The following DISP3 variants were observed in gnomAD, a reference collection of about 807,000 sequenced individuals.
DISP3 encodes the protein protein dispatched homolog 3.
A neutral mutation model predicts 135.3 loss-of-function variants in DISP3; 101 were observed. That is an observed-to-expected ratio of 0.75 (90% CI 0.64 to 0.88). The LOEUF (loss-of-function observed/expected upper bound fraction) is 0.88, where lower values mean the gene tolerates loss of function less well. Among genes scored for constraint, DISP3 ranks in the 40% least tolerant of loss-of-function variants. The pLI is 0.00. For missense variants in DISP3, 1,713 were observed against 1,878.6 expected, an observed-to-expected ratio of 0.91 and a Z score of 1.63; for synonymous variants, 856 against 817.0, an observed-to-expected ratio of 1.05 and a Z score of -0.81.
chr1:11,485,025 C>G (rs564598924), intron 1 of DISP3, among the ~76,000 whole-genome samples: 1 of 152,126 alleles, frequency 6.6e-6, no homozygotes, highest in Admixed American at 6.5e-5. Flanking sequence ...AAAGTAATGG[C>G]AAAACCCCCA....
rs772456700 is a variant in DISP3, at chr1:11,526,835, G to C, written c.2798G>C (p.Arg933Pro). The change falls in exon 13 of 21, where the codon CGG becomes CCG. Residue 933 changes from arginine to proline, a missense_variant and splice_region_variant. Coordinates refer to ENST00000294484, the MANE Select transcript of DISP3 (RefSeq NM_020780.2). The part of the protein sequence containing the change: ...YVATKEQQHT[R>P]KLYFAQSHKP... ...GCCACCAAGGAGCAGCAGCACACCC[G>C]GTAACAGAGCCTGGCAGACAAGCCG... is the stretch of plus-strand genomic sequence containing the variant. 1 of 1,598,284 alleles carries C rather than the reference G, an allele frequency of 6.3e-7. No individual in the cohort carries two copies. The highest frequency in any genetic ancestry group is 8.5e-7 in the Non-Finnish European group (1 of 1,176,346).
At chr1:11,525,114 A>AGG (rs1398986027) in intron 11 of DISP3, 62 bp from the exon 12 acceptor site, 10 of 1,587,462 alleles carry the variant, frequency 6.3e-6, no homozygotes, top group Non-Finnish European at 7.8e-6. Flanking sequence ...GGGCTGCTCC[A>AGG]GGGTCAGGAG....
At chr1:11,511,800 C>T (rs1388795410) in intron 3 of DISP3, among the ~76,000 whole-genome samples, 3 of 152,206 alleles carry the variant, frequency 2.0e-5, no homozygotes, top group Admixed American at 6.5e-5. Context: ...CAGAGGTTCT[C>T]CATCAGGGCT....
At chr1:11,497,194 TA>T (rs1641358585) in intron 1 of DISP3, among the ~76,000 whole-genome samples, 1 of 151,948 alleles carries the variant, frequency 6.6e-6, no homozygotes, top group Non-Finnish European at 1.5e-5. Flanking sequence ...GTTCTTTTTT[TA>T]AAAAAAATTA....
rs370080822 is a variant in DISP3, at chr1:11,525,292, G to A, written c.2593G>A (p.Gly865Arg). ...APWQAVSPGD[G>R]EVPSFQVYRA... is the part of the protein sequence containing the mutation. ...TTGGCAGGCTGTGTCGCCTGGGGAT[G>A]GAGAGGTGCCCTCCTTCCAGGTGAG... The change falls in exon 12 of 21, where the codon GGA (glycine) becomes AGA (arginine). Residue 865 changes from glycine to arginine, a missense_variant. Physicochemically the swap from Gly to Arg is moderately radical, Grantham distance 125. Transcript: ENST00000294484. 27 of 1,613,684 alleles carry A rather than the reference G, an allele frequency of 1.7e-5. No homozygotes were observed. The highest frequency in any genetic ancestry group is 2.0e-5 in the Non-Finnish European group (24 of 1,179,802).
At chr1:11,482,432 C>T (rs1640926821) in intron 1 of DISP3, among the ~76,000 whole-genome samples, 1 of 152,144 alleles carries the variant, frequency 6.6e-6, no homozygotes, top group South Asian at 2.1e-4. Flanking sequence ...CTTTTCATAG[C>T]CCTATGAGCT....
intron 1 of DISP3, among the ~76,000 whole-genome samples, chr1:11,496,458 C>T (rs896554557): frequency 6.6e-6 from 1 of 152,140 alleles, no homozygotes; most frequent in Non-Finnish European, 1.5e-5. Flanking sequence ...ACAGCCCCTA[C>T]TCTACCCCAC....
chr1:11,521,824 A>AGATGGGCTGAAGTGAGG (rs1642204308), intron 10 of DISP3, among the ~76,000 whole-genome samples: 1 of 152,140 alleles, frequency 6.6e-6, no homozygotes, highest in Non-Finnish European at 1.5e-5. Flanking sequence ...GGGATAGGGC[A>AGATGGGCTGAAGTGAGG]GATGGGCTGA....
Position 11,524,007 on chromosome 1 carries a change from C to A in DISP3, c.2428C>A (p.Arg810=). The A allele has an allele frequency of 6.2e-7, 1 of 1,613,074 alleles. No individual in the cohort carries two copies. Among genetic ancestry groups the A allele is most frequent in the South Asian group, 1.1e-5 (1 of 91,062 alleles). ...NIRTSLEKKR[R]GSGVPWASRP... is the part of the protein sequence containing the mutation. The stretch of plus-strand genomic sequence containing the variant: ...CCGGACGTCCCTGGAGAAGAAGAGG[C>A]GAGGCTCAGGGGTCCCCTGGGCTAG... The change falls in exon 11 of 21, where the codon CGA becomes AGA. Residue 810 remains arginine, a synonymous_variant. Coordinates refer to ENST00000294484, the MANE Select transcript of DISP3 (RefSeq NM_020780.2).
chr1:11,484,322 G>C (rs1200929374), intron 1 of DISP3, among the ~76,000 whole-genome samples: 1 of 152,216 alleles, frequency 6.6e-6, no homozygotes, highest in Non-Finnish European at 1.5e-5. Flanking sequence ...AGCCCCGCTG[G>C]CTGGTTCTCT....
rs138405022 is a variant in DISP3 at position 11,513,220 on chromosome 1, G to T, written c.1317-1170G>T. 2.2e-3 allele frequency among the ~76,000 whole-genome samples: 334 copies of T among 152,242 alleles called. 1 individual carries two copies. The highest frequency in any genetic ancestry group is 7.7e-3 in the African/African-American group (321 of 41,530). On this transcript the variant is annotated intron_variant, in intron 3 of 20. Coordinates refer to ENST00000294484, the MANE Select transcript of DISP3 (RefSeq NM_020780.2). ...GATTGTTTGAGCCCAGGAGTTAGAG[G>T]CCATAGTGAGCTATGATCATGCCAT...
At chr1:11,485,593 C>A (rs2100355063) in intron 1 of DISP3, among the ~76,000 whole-genome samples, 1 of 152,288 alleles carries the variant, frequency 6.6e-6, no homozygotes, top group East Asian at 1.9e-4. Context: ...CCACACCCTG[C>A]AACTGCATTG....
chr1:11,516,163 T>A lies in DISP3; in HGVS notation c.1749+2T>A. On this transcript the variant is annotated splice_donor_variant, in intron 6 of 20. Transcript: ENST00000294484. LOFTEE classifies it high-confidence loss of function. The surrounding 1 kb of genome is among the most constrained non-coding windows in gnomAD (Gnocchi z 5.1). The stretch of plus-strand genomic sequence containing the variant: ...TACGCAGCTAACGTCTTCTCCCAGG[T>A]GCGGACCTGTCCTCCATTCCTGTCC... 6.2e-7 allele frequency: 1 copy of A among 1,613,164 alleles called. No homozygotes were observed. Among genetic ancestry groups the A allele is most frequent in the Non-Finnish European group, 8.5e-7 (1 of 1,179,472 alleles).
At position 11,534,298 on chromosome 1, in the gene DISP3, C is replaced by T. The variant is rs184876927; in HGVS notation, c.3376-83C>T. ...ACACACGCACCACTCCATTGGTGGC[C>T]GCAGAACAGACCAGCCATGCCTGGG... On this transcript the variant is annotated intron_variant, in intron 17 of 20. Coordinates refer to ENST00000294484, the MANE Select transcript of DISP3 (RefSeq NM_020780.2). 1.7e-4 allele frequency: 268 copies of T among 1,532,674 alleles called. 1 individual carries two copies. In the African/African-American group the frequency reaches 3.2e-3, roughly 18 times the overall value. 94.9% of individuals were successfully genotyped at this position (1,532,674 alleles called of 1,614,324 possible).
At chr1:11,510,601 A>T (rs58484446) in intron 3 of DISP3, among the ~76,000 whole-genome samples, 23,261 of 57,534 alleles carry the variant, frequency 0.4, 2,892 homozygotes, top group African/African-American at 0.51. Flanking sequence ...TATTTATGTC[A>T]TTACCATTTT....
chr1:11,503,278 TAG>T (rs1184233637), intron 3 of DISP3, among the ~76,000 whole-genome samples: 1 of 152,088 alleles, frequency 6.6e-6, no homozygotes, highest in Non-Finnish European at 1.5e-5. Context: ...GTAGGATAGA[TAG>T]AGAGAGGGAT....
Position 11,495,632 on chromosome 1 carries a change from G to A in DISP3, c.-3-5358G>A, listed in dbSNP as rs184844904. Among the ~76,000 whole-genome samples the A allele has an allele frequency of 3.9e-5, 6 of 152,302 alleles. No homozygotes were observed. In the East Asian group the frequency reaches 5.8e-4, roughly 15 times the overall value. On this transcript the variant is annotated intron_variant, in intron 1 of 20. Transcript: ENST00000294484. ...GTCTCAGTTTCCCCATGTGTAAAATGAAGGCATTGGACAAGGTATACTCAG... is the reference window on the plus strand; with the variant it reads ...GTCTCAGTTTCCCCATGTGTAAAATAAAGGCATTGGACAAGGTATACTCAG...
Position 11,519,381 on chromosome 1 carries a change from C to T in DISP3, c.1916C>T (p.Thr639Ile), listed in dbSNP as rs1570120788. The change falls in exon 8 of 21, where the codon ACC (threonine) becomes ATC (isoleucine). Residue 639 changes from threonine (T) to isoleucine (I), a missense_variant. Physicochemically the swap from Thr to Ile is moderately conservative, Grantham distance 89. Transcript: ENST00000294484. This position sits in a 1 kb window ranked among gnomAD's most constrained non-coding sequence, Gnocchi z 4.3. ...TGCCACCAGAATTGCAGCCGGAAGACCTCCCTGCACTTCCCCGGAGACGTG... is the reference window on the plus strand; with the variant it reads ...TGCCACCAGAATTGCAGCCGGAAGATCTCCCTGCACTTCCCCGGAGACGTG... Reference protein sequence around the residue: ...TSCHQNCSRKTSLHFPGDVFA... With the variant: ...TSCHQNCSRKISLHFPGDVFA... The T allele has an allele frequency of 1.2e-5, 19 of 1,613,746 alleles. No individual in the cohort carries two copies. The East Asian group carries it at 4.2e-4, about 36-fold the overall frequency.
At position 11,495,636 on chromosome 1, in the gene DISP3, G is replaced by A. The variant is rs1362551015; in HGVS notation, c.-3-5354G>A. 3.9e-5 allele frequency among the ~76,000 whole-genome samples: 6 copies of A among 152,162 alleles called. No individual in the cohort carries two copies. In the East Asian group the frequency reaches 1.2e-3, roughly 29 times the overall value. On this transcript the variant is annotated intron_variant, in intron 1 of 20. Coordinates refer to ENST00000294484, the MANE Select transcript of DISP3 (RefSeq NM_020780.2). ...CAGTTTCCCCATGTGTAAAATGAAG[G>A]CATTGGACAAGGTATACTCAGGTCT...
Sources: allele counts gnomAD v4.1 joint callset (sites outside exome capture counted in the v4.1 genomes callset), GRCh38; gene constraint gnomAD v4.1.1; non-coding constraint Gnocchi (gnomAD v3.1); transcripts MANE v1.5; gene names NCBI Gene and HGNC (gene_info 2026-07-23, HGNC 2026-07-21).